LZTR1: variants seen among roughly 807,000 people sequenced by gnomAD.
LZTR1 encodes leucine zipper like post translational regulator 1, also known as leucine-zipper-like transcriptional regulator 1.
LZTR1 carries 260 observed loss-of-function variants against 105.7 expected under a neutral mutation model. The ratio of observed to expected loss-of-function variants is 2.46; its 90% CI spans 2.22 to 2.72. The LOEUF is 2.72. Ranked by LOEUF, LZTR1 falls within the 30% of genes most tolerant of loss-of-function variation. The pLI is 0.00. For synonymous variants in LZTR1, 490 were observed against 476.4 expected (o/e 1.03, Z -0.37); for missense variants, 1,214 against 1,166.9 (o/e 1.04, Z -0.59).
Position 20,994,997 on chromosome 22 carries a change from G to C in LZTR1, c.1913G>C (p.Arg638Pro). ...IVRRKQQPPP[R>P]TPLDQPVDIG... ...CGGCGGAAGCAGCAGCCGCCCCCTC[G>C]CACTCCCTTGGACCAGCCAGTGGAC... The change falls in exon 16 of 21, where the codon CGC becomes CCC. Residue 638 changes from arginine (R) to proline (P), a missense_variant. Arg to Pro is a moderately radical substitution (Grantham distance 103). Coordinates refer to ENST00000646124, the MANE Select transcript of LZTR1 (RefSeq NM_006767.4). 6 of 1,612,596 alleles carry C rather than the reference G, an allele frequency of 3.7e-6. No individual in the cohort carries two copies. The highest frequency in any genetic ancestry group is 5.1e-6 in the Non-Finnish European group (6 of 1,179,880).
Position 20,993,957 on chromosome 22 carries a change from G to A in LZTR1, c.1387G>A (p.Val463Ile), listed in dbSNP as rs1269398431. The A allele has an allele frequency of 2.5e-6, 4 of 1,612,656 alleles. No individual in the cohort carries two copies. The African/African-American group carries it at 5.3e-5, about 22-fold the overall frequency. Residue 463 changes from valine (V) to isoleucine (I), a missense_variant, in exon 13 of 21, where the codon GTC becomes ATC. By Grantham distance (29) the Val-to-Ile change is conservative (BLOSUM62 3). Transcript: ENST00000646124. ...EECVQGHVAI[V>I]TARSRWLRRK... ...GTGCGTGCAGGGCCACGTAGCCATT[G>A]TCACAGCGCGGAGCCGCTGGCTTCG...
rs534766577 is a variant in LZTR1, at chr22:20,988,147, C to T, written c.509+29C>T. 5.5e-6 allele frequency: 8 copies of T among 1,459,076 alleles called. No homozygotes were observed. The East Asian group carries it at 1.6e-4, about 29-fold the overall frequency. The allele number at this position is 1,459,076 out of a possible 1,614,324, so 90.4% of individuals were successfully genotyped here. ...AGAAACTTTGCAGAAACATTTGGGA[C>T]AGGCTGGGTCCTGGGTGGCATTGGA... On this transcript the variant is annotated intron_variant, in intron 5 of 20. Coordinates refer to ENST00000646124, the MANE Select transcript of LZTR1 (RefSeq NM_006767.4).
At position 20,984,615 on chromosome 22, in the gene LZTR1, G is replaced by C. The variant is rs1393580042; in HGVS notation, c.264-1226G>C. On this transcript the variant is annotated intron_variant, in intron 2 of 20. Transcript: ENST00000646124. ...TGCGGCACGTGGGGCAAGTAAGGAG[G>C]GGGGGGGGGCGGTATCACAATCACC... Among the ~76,000 whole-genome samples, 112 of 35,070 alleles carry C rather than the reference G, an allele frequency of 3.2e-3. 7 individuals are homozygous for C. The South Asian group carries it at 0.051, about 16-fold the overall frequency. The allele number at this position is 35,070 out of a possible 152,430, so 23.0% of individuals were successfully genotyped here. A position where few individuals can be genotyped will look rare whatever the true frequency, so the allele number is the denominator to read the frequency against.
intron 11 of LZTR1, 120 bp from the exon 12 acceptor site, chr22:20,993,542 T>C: frequency 1.3e-6 from 1 of 762,780 alleles, no homozygotes; most frequent in Non-Finnish European, 2.2e-6. Flanking sequence ...CAGGCCCACC[T>C]GCCTCCTGGG....
chr22:20,991,995 C>T (rs896082377), intron 9 of LZTR1, among the ~76,000 whole-genome samples, 166 bp downstream of exon 9: 1 of 152,238 alleles, frequency 6.6e-6, no homozygotes, highest in Non-Finnish European at 1.5e-5. Flanking sequence ...CCCCGGCCTC[C>T]AGCCCCAGCT....
Position 20,994,169 on chromosome 22 carries a change from G to A in LZTR1, c.1515G>A (p.Arg505=). Residue 505 remains arginine, a synonymous_variant, in exon 14 of 21, where the codon CGG becomes CGA. Transcript: ENST00000646124. The part of the protein sequence containing the change: ...EAPGVAAGGA[R]PPLLHVAIRE... ...CCGGCGTGGCTGCTGGTGGGGCCCG[G>A]CCGCCCCTGCTGCACGTGGCCATCC... The A allele has an allele frequency of 6.3e-7, 1 of 1,597,844 alleles. No homozygotes were observed. The highest frequency in any genetic ancestry group is 8.5e-7 in the Non-Finnish European group (1 of 1,174,164).
At position 20,993,968 on chromosome 22, in the gene LZTR1, G is replaced by C. The variant is rs1346505966; in HGVS notation, c.1398G>C (p.Arg466=). ...VQGHVAIVTA[R]SRWLRRKITQ... ...GCCACGTAGCCATTGTCACAGCGCG[G>C]AGCCGCTGGCTTCGCAGGAAGATCA... The change falls in exon 13 of 21, where the codon CGG becomes CGC. Residue 466 remains arginine, a synonymous_variant. Transcript: ENST00000646124. 1 of 1,612,608 alleles carries C rather than the reference G, an allele frequency of 6.2e-7. No homozygotes were observed. Among genetic ancestry groups the C allele is most frequent in the Non-Finnish European group, 8.5e-7 (1 of 1,179,904 alleles).
In LZTR1 at chr22:20,993,752, G is replaced by T. The variant is rs766718505; in HGVS notation, c.1351G>T (p.Glu451Ter). Residue 451 changes from glutamate (E) to a stop codon, truncating the protein, a stop_gained and splice_region_variant, in exon 12 of 21, where the codon GAG becomes TAG. Coordinates refer to ENST00000646124, the MANE Select transcript of LZTR1 (RefSeq NM_006767.4). LOFTEE classifies it high-confidence loss of function. ...QFCDVEFVLG[E>*]KEECVQGHVA... is the part of the protein sequence containing the mutation. ...CTGCGACGTGGAGTTCGTGCTGGGT[G>T]AGGTGGGTGCCTGTCCTCGCACCCT... 6.2e-7 allele frequency: 1 copy of T among 1,612,440 alleles called. No individual in the cohort carries two copies. The highest frequency in any genetic ancestry group is 8.5e-7 in the Non-Finnish European group (1 of 1,179,618).
chr22:20,997,380 C>T lies in LZTR1; in HGVS notation c.*32C>T, dbSNP rs56224700. 9.0e-4 allele frequency: 1,344 copies of T among 1,495,172 alleles called. 6 individuals are homozygous for T. The highest frequency in any genetic ancestry group is 2.2e-3 in the Middle Eastern group (13 of 5,818). The allele number at this position is 1,495,172 out of a possible 1,614,324, so 92.6% of individuals were successfully genotyped here. A position where few individuals can be genotyped will look rare whatever the true frequency, so the allele number is the denominator to read the frequency against. On this transcript the variant is annotated 3_prime_UTR_variant, in exon 21 of 21. Coordinates refer to ENST00000646124, the MANE Select transcript of LZTR1 (RefSeq NM_006767.4). ...GTGGCGCCTGCCCATTGTGAAGAAT[C>T]GCCGTGCCTGCCTGCCCTGCCTACT...
chr22:20,990,664 G>T (rs1027999175), intron 8 of LZTR1, 139 bp downstream of exon 8: 6 of 908,584 alleles, frequency 6.6e-6, no homozygotes, highest in Non-Finnish European at 1.0e-5. Flanking sequence ...GTTACAGCCC[G>T]GAGCAGGGAT....
At chr22:20,987,708 C>A in intron 4 of LZTR1, 125 bp downstream of exon 4, 1 of 880,768 alleles carries the variant, frequency 1.1e-6, no homozygotes, top group Non-Finnish European at 1.9e-6. Flanking sequence ...CCACCCGTGG[C>A]TTTGTCTGCC....
rs924408949 is a variant in LZTR1, at chr22:20,997,502, T to A, written c.*154T>A. 4 of 628,570 alleles carry A rather than the reference T, an allele frequency of 6.4e-6. No homozygotes were observed. The highest frequency in any genetic ancestry group is 1.1e-5 in the Non-Finnish European group (4 of 357,032). 38.9% of individuals were successfully genotyped at this position (628,570 alleles called of 1,614,324 possible). On this transcript the variant is annotated 3_prime_UTR_variant, in exon 21 of 21. Transcript: ENST00000646124. ...GAGCCTCCAAAGAGAGCTGAGGGGA[T>A]GTGGGGCCCCAAACTCATTAATTCA...
Position 20,990,542 on chromosome 22 carries a change from G to T in LZTR1, c.791+17G>T. 2 of 1,596,512 alleles carry T rather than the reference G, an allele frequency of 1.3e-6. No individual in the cohort carries two copies. The highest frequency in any genetic ancestry group is 1.7e-6 in the Non-Finnish European group (2 of 1,169,114). On this transcript the variant is annotated intron_variant, in intron 8 of 20. Transcript: ENST00000646124. ...GGACAAGACGTGAGTACTCTGGCCA[G>T]TGGGGTGGAGGGAGGACGGTCAGTT...
In LZTR1 at chr22:20,993,666, CCT is replaced by C. The variant is rs1405510958; in HGVS notation, c.1266_1267del (p.Cys423LeufsTer3). The C allele has an allele frequency of 6.2e-7, 1 of 1,613,096 alleles. No individual in the cohort carries two copies. Among genetic ancestry groups the C allele is most frequent in the Non-Finnish European group, 8.5e-7 (1 of 1,179,718 alleles). ...CTCACTGGGCCCCTCTTGCAGTTCT[CCT>C]GTTACCCTAAATGCACGCTGCACGA... On this transcript the variant is annotated frameshift_variant, in exon 12 of 21. Transcript: ENST00000646124. LOFTEE classifies it high-confidence loss of function.
intron 2 of LZTR1, among the ~76,000 whole-genome samples, chr22:20,985,483 C>CGTGTGAATAGGGGTTCTGGAGGCTGGG (rs58240495): frequency 0.048 from 7,279 of 152,036 alleles, 599 homozygotes; most frequent in African/African-American, 0.17. Context: ...GGGATTGGGA[C>CGTGTGAATAGGGGTTCTGGAGGCTGGG]GTGTGAATAG....
At position 20,992,829 on chromosome 22, in the gene LZTR1, C is replaced by A. The variant is rs979761897; in HGVS notation, c.1185C>A (p.Val395=). The A allele has an allele frequency of 6.2e-7, 1 of 1,608,414 alleles. No homozygotes were observed. Among genetic ancestry groups the A allele is most frequent in the Non-Finnish European group, 8.5e-7 (1 of 1,177,536 alleles). Residue 395 remains valine, a synonymous_variant, in exon 11 of 21, where the codon GTC becomes GTA. Coordinates refer to ENST00000646124, the MANE Select transcript of LZTR1 (RefSeq NM_006767.4). The part of the protein sequence containing the change: ...PSGRLFHAAA[V]ISDAMYIFGG... ...GGAGGCTCTTCCACGCGGCTGCTGT[C>A]ATCTCGGACGCCATGTACATCTTCG...
intron 7 of LZTR1, 112 bp from the exon 8 acceptor site, chr22:20,990,274 T>A: frequency 8.2e-7 from 1 of 1,213,104 alleles, no homozygotes; most frequent in Non-Finnish European, 1.2e-6. Flanking sequence ...CTGTGAATCC[T>A]CATCTGGGGA....
chr22:20,992,207 T>G lies in LZTR1; in HGVS notation c.994-7T>G, dbSNP rs778889665. ...TGGTCTCATGCCCATGTGTCTCCCC[T>G]CTTCAGGTTGGTGGGGCTGAAGTGC... On this transcript the variant is annotated splice_region_variant and splice_polypyrimidine_tract_variant and intron_variant, in intron 9 of 20. Transcript: ENST00000646124. The G allele has an allele frequency of 2.5e-6, 4 of 1,612,356 alleles. No homozygotes were observed. In the Admixed American group the frequency reaches 6.7e-5, roughly 27 times the overall value.
chr22:20,989,111 G>A (rs1024599751), intron 6 of LZTR1, among the ~76,000 whole-genome samples: 1 of 152,256 alleles, frequency 6.6e-6, no homozygotes, highest in African/African-American at 2.4e-5. Flanking sequence ...AGGATCCTCA[G>A]CCAGGAGTTG....
Sources: allele counts gnomAD v4.1 joint callset (sites outside exome capture counted in the v4.1 genomes callset), GRCh38; gene constraint gnomAD v4.1.1; transcripts MANE v1.5; gene names NCBI Gene and HGNC (gene_info 2026-07-23, HGNC 2026-07-21).